The following APAF1 variants were observed in gnomAD, a reference collection of about 807,000 sequenced individuals.
APAF1 encodes apoptotic protease-activating factor 1.
APAF1 carries 91 observed loss-of-function variants against 152.4 expected under a neutral mutation model. The ratio of observed to expected loss-of-function variants is 0.60; its 90% CI spans 0.50 to 0.71. APAF1 has a LOEUF of 0.71. Among genes scored for constraint, APAF1 ranks in the 30% least tolerant of loss-of-function variants. The pLI, the probability that APAF1 is intolerant of heterozygous loss-of-function variation, is 0.00. For synonymous variants in APAF1, 484 were observed against 494.1 expected (o/e 0.98, Z 0.27); for missense variants, 1,283 against 1,472.0 (o/e 0.87, Z 2.10).
chr12:98,695,503 T>TC (rs2153331840), intron 16 of APAF1, among the ~76,000 whole-genome samples: 2 of 152,310 alleles, frequency 1.3e-5, no homozygotes, highest in South Asian at 4.1e-4. Context: ...GAGCTGGGAC[T>TC]ACAGGTGTGC....
intron 24 of APAF1, among the ~76,000 whole-genome samples, chr12:98,725,078 C>G: frequency 6.6e-6 from 1 of 152,180 alleles, no homozygotes; most frequent in East Asian, 1.9e-4. Flanking sequence ...ATGAGTTGTC[C>G]TAGTCACAAG....
At chr12:98,672,019 G>A (rs1196238980) in intron 12 of APAF1, among the ~76,000 whole-genome samples, 1 of 152,152 alleles carries the variant, frequency 6.6e-6, no homozygotes, top group Non-Finnish European at 1.5e-5. Flanking sequence ...CATGGACTTT[G>A]GAGCCACAGA....
chr12:98,672,978 G>A (rs940423288), intron 12 of APAF1, among the ~76,000 whole-genome samples: 4 of 151,262 alleles, frequency 2.6e-5, no homozygotes, highest in East Asian at 2.0e-4. Context: ...GGCTGGTCTC[G>A]AACTCCAGAC....
intron 25 of APAF1, chr12:98,726,411 G>A (rs2097750685): frequency 6.6e-6 from 1 of 151,190 alleles, no homozygotes; most frequent in Non-Finnish European, 1.5e-5. Flanking sequence ...AGGAAGATGG[G>A]GTTTTCCCCC....
At chr12:98,679,673 G>A (rs575510790) in intron 13 of APAF1, among the ~76,000 whole-genome samples, 16 of 152,340 alleles carry the variant, frequency 1.1e-4, no homozygotes, top group South Asian at 1.0e-3. Context: ...TTGGGGCCCC[G>A]CGGTTCCTGG....
At chr12:98,664,098 C>T (rs2097669171) in intron 7 of APAF1, among the ~76,000 whole-genome samples, 2 of 151,942 alleles carry the variant, frequency 1.3e-5, no homozygotes, top group Non-Finnish European at 2.9e-5. Flanking sequence ...CTGCTCACTG[C>T]AACCTCTGCT....
chr12:98,706,980 A>G (rs886883644), intron 19 of APAF1, among the ~76,000 whole-genome samples: 1 of 151,896 alleles, frequency 6.6e-6, no homozygotes, highest in African/African-American at 2.4e-5. Context: ...TATTATCTCT[A>G]CCTTTCCATT....
intron 17 of APAF1, among the ~76,000 whole-genome samples, chr12:98,700,794 T>C (rs1254988192): frequency 6.6e-6 from 1 of 152,166 alleles, no homozygotes; most frequent in Non-Finnish European, 1.5e-5. Context: ...TGCTAGACCT[T>C]TGTAATCTCT....
intron 3 of APAF1, 111 bp from the exon 4 acceptor site, chr12:98,649,376 C>G (rs2097646149): frequency 2.1e-6 from 3 of 1,396,276 alleles, no homozygotes; most frequent in South Asian, 1.3e-5. Flanking sequence ...CTTAACTTCT[C>G]TTGGAAATTT....
At position 98,712,342 on chromosome 12, in the gene APAF1, G is replaced by T. The variant is rs1431964456; in HGVS notation, c.2865G>T (p.Gln955His). ...AGCTCATTAATGGAAGAACAGGTCA[G>T]ATTGATTATCTGACTGAAGCTCAAG... Reference protein sequence around the residue: ...RLQLINGRTGQIDYLTEAQVS... With the variant: ...RLQLINGRTGHIDYLTEAQVS... The change falls in exon 21 of 27, where the codon CAG becomes CAT. Residue 955 changes from glutamine (Q) to histidine (H), a missense_variant. Transcript: ENST00000551964. 2 of 1,612,172 alleles carry T rather than the reference G, an allele frequency of 1.2e-6. No individual in the cohort carries two copies. Among genetic ancestry groups the T allele is most frequent in the Non-Finnish European group, 1.7e-6 (2 of 1,178,382 alleles).
At chr12:98,724,188 T>C (rs1412376141) in intron 24 of APAF1, among the ~76,000 whole-genome samples, 1 of 152,218 alleles carries the variant, frequency 6.6e-6, no homozygotes, top group Non-Finnish European at 1.5e-5. Flanking sequence ...TTTCTCCTTC[T>C]ACCAGTCTTT....
In APAF1 at chr12:98,725,431, T is replaced by C. The variant is rs138188210; in HGVS notation, c.3347T>C (p.Leu1116Pro). The C allele has an allele frequency of 1.8e-3, 2,893 of 1,614,136 alleles. 1 individual carries two copies. Among genetic ancestry groups the C allele is most frequent in the Non-Finnish European group, 2.2e-3 (2,577 of 1,180,016 alleles). The change falls in exon 25 of 27, where the codon CTC (leucine) becomes CCC (proline). Residue 1116 changes from leucine to proline, a missense_variant. Leu to Pro is a moderately conservative substitution (Grantham distance 98). Transcript: ENST00000551964. ...DKTAKIWSFDLLLPLHELRGH... is the reference protein window; with the variant it reads ...DKTAKIWSFDPLLPLHELRGH... Reference sequence around the variant, plus strand: ...GCCTTCCAGATCTGGAGTTTTGATCTCCTTTTGCCACTTCATGAATTGAGG... The same window carrying C: ...GCCTTCCAGATCTGGAGTTTTGATCCCCTTTTGCCACTTCATGAATTGAGG...
intron 10 of APAF1, 85 bp from the exon 11 acceptor site, chr12:98,670,888 C>G: frequency 1.3e-6 from 1 of 776,858 alleles, no homozygotes; most frequent in Non-Finnish European, 2.3e-6. Flanking sequence ...TACTGTTTCT[C>G]TTAGCAGTGT....
chr12:98,708,134 A>G (rs1450379827), intron 19 of APAF1, among the ~76,000 whole-genome samples: 1 of 152,256 alleles, frequency 6.6e-6, no homozygotes, highest in East Asian at 1.9e-4. Context: ...TTTAGTAGAA[A>G]TAGGGTTTCA....
chr12:98,727,640 A>G (rs2097752535), intron 26 of APAF1, among the ~76,000 whole-genome samples: 1 of 151,896 alleles, frequency 6.6e-6, no homozygotes, highest in South Asian at 2.1e-4. Context: ...ACCAGAAAAA[A>G]CTTTAAAAAA....
intron 3 of APAF1, 96 bp from the exon 4 acceptor site, chr12:98,649,391 G>T: frequency 6.9e-7 from 1 of 1,454,138 alleles, no homozygotes; most frequent in Non-Finnish European, 9.5e-7. Flanking sequence ...AAATTTTCAG[G>T]CTAAGCCTCA....
intron 4 of APAF1, among the ~76,000 whole-genome samples, chr12:98,657,254 A>G (rs756886354): frequency 1.3e-5 from 2 of 152,170 alleles, no homozygotes; most frequent in Non-Finnish European, 2.9e-5. Context: ...TATCCTCTCT[A>G]TTCATACTAT....
At chr12:98,649,375 T>G (rs186098781) in intron 3 of APAF1, 112 bp from the exon 4 acceptor site, 1 of 1,389,828 alleles carries the variant, frequency 7.2e-7, no homozygotes, top group Admixed American at 2.2e-5. Flanking sequence ...TCTTAACTTC[T>G]CTTGGAAATT....
chr12:98,695,931 C>T (rs1399025881), intron 16 of APAF1, among the ~76,000 whole-genome samples: 2 of 152,310 alleles, frequency 1.3e-5, no homozygotes, highest in African/African-American at 2.4e-5. Context: ...TTCTCCACTG[C>T]AGGCTCAGAA....
Sources: gnomAD v4.1 joint callset for allele counts (sites outside exome capture counted in the v4.1 genomes callset) on GRCh38, gnomAD v4.1.1 for gene constraint, MANE v1.5 for transcripts, NCBI Gene and HGNC (gene_info 2026-07-23, HGNC 2026-07-21) for gene names.